Variants in MACROD2 observed in about 807,000 individuals in gnomAD.
MACROD2 encodes mono-ADP ribosylhydrolase 2, also known as ADP-ribose glycohydrolase MACROD2.
In MACROD2, 36 loss-of-function variants were observed where a neutral mutation model predicts 70.4. The observed-to-expected ratio is 0.51, with a 90% CI of 0.39 to 0.68. MACROD2 has a LOEUF of 0.68. Among genes scored for constraint, MACROD2 ranks in the 30% least tolerant of loss-of-function variants. MACROD2 has a pLI of 0.00. For missense variants in MACROD2, 496 were observed against 538.4 expected, an observed-to-expected ratio of 0.92 and a Z score of 0.78; for synonymous variants, 172 against 178.8, an observed-to-expected ratio of 0.96 and a Z score of 0.30.
chr20:15,485,513 A>G (rs948914278), intron 7 of MACROD2, among the ~76,000 whole-genome samples: 9 of 152,188 alleles, frequency 5.9e-5, no homozygotes, highest in Non-Finnish European at 2.9e-5. Flanking sequence ...GATGAGAAAT[A>G]TGCCTTTTCT....
At chr20:14,796,584 C>T (rs1402119915) in intron 5 of MACROD2, among the ~76,000 whole-genome samples, 1 of 152,018 alleles carries the variant, frequency 6.6e-6, no homozygotes, top group Non-Finnish European at 1.5e-5. Context: ...CAGTTATTTT[C>T]GTTTATAAGA....
At chr20:15,793,124 T>TGTGTGTGTGTGCAGGCGC (rs1555780005) in intron 8 of MACROD2, among the ~76,000 whole-genome samples, 2 of 151,834 alleles carry the variant, frequency 1.3e-5, no homozygotes, top group Non-Finnish European at 2.9e-5. Context: ...AAAAAGACTG[T>TGTGTGTGTGTGCAGGCGC]GTGTGTGTGT....
intron 5 of MACROD2, among the ~76,000 whole-genome samples, chr20:14,713,785 A>G (rs559471452): frequency 6.6e-6 from 1 of 152,302 alleles, no homozygotes; most frequent in Non-Finnish European, 1.5e-5. Context: ...TCAATTGACA[A>G]TTTGGCATAG....
At chr20:14,246,700 A>T (rs1339514055) in intron 3 of MACROD2, among the ~76,000 whole-genome samples, 2 of 152,180 alleles carry the variant, frequency 1.3e-5, no homozygotes, top group African/African-American at 4.8e-5. Context: ...ACCAAACAAC[A>T]GGTTTATCAG....
chr20:15,996,642 A>G (rs1480603019), intron 15 of MACROD2, among the ~76,000 whole-genome samples: 1 of 151,974 alleles, frequency 6.6e-6, no homozygotes, highest in Admixed American at 6.5e-5. Context: ...ATTTTCTCCC[A>G]TTTTATATGT....
chr20:14,870,760 T>A (rs1335261566), intron 5 of MACROD2, among the ~76,000 whole-genome samples: 1 of 152,164 alleles, frequency 6.6e-6, no homozygotes, highest in Non-Finnish European at 1.5e-5. Context: ...GAAAAGTGTC[T>A]GTTCATGTCC....
At chr20:14,685,024 A>G (rs574030025) in intron 5 of MACROD2, 65 bp downstream of exon 5, 12 of 1,250,638 alleles carry the variant, frequency 9.6e-6, no homozygotes, top group East Asian at 4.7e-5. Context: ...ACTCCAGTGT[A>G]TAACTGGAAA....
intron 8 of MACROD2, among the ~76,000 whole-genome samples, chr20:15,694,189 T>A (rs192832224): frequency 6.6e-6 from 1 of 152,350 alleles, no homozygotes; most frequent in Non-Finnish European, 1.5e-5. Flanking sequence ...TGTGCAAGTA[T>A]CTTTTTCAAA....
intron 4 of MACROD2, among the ~76,000 whole-genome samples, chr20:14,584,182 C>A (rs1981222656): frequency 6.6e-6 from 1 of 152,166 alleles, no homozygotes; most frequent in Admixed American, 6.5e-5. Flanking sequence ...ACAAGCACCT[C>A]ATTTACCCAG....
intron 2 of MACROD2, among the ~76,000 whole-genome samples, chr20:14,037,926 G>T (rs1469580413): frequency 6.6e-6 from 1 of 152,074 alleles, no homozygotes; most frequent in Non-Finnish European, 1.5e-5. Context: ...GAGGTGGGCG[G>T]ATTGAGGCCA....
chr20:14,614,383 C>T (rs536875972), intron 4 of MACROD2, among the ~76,000 whole-genome samples: 1 of 152,090 alleles, frequency 6.6e-6, no homozygotes, highest in Non-Finnish European at 1.5e-5. Context: ...GGAGTTGGTG[C>T]TCACCTCACC....
intron 5 of MACROD2, among the ~76,000 whole-genome samples, chr20:15,137,823 T>C (rs1175899527): frequency 1.3e-5 from 2 of 152,100 alleles, no homozygotes; most frequent in African/African-American, 4.8e-5. Flanking sequence ...TTCTCCCCCT[T>C]TCCAGAAGGA....
intron 2 of MACROD2, among the ~76,000 whole-genome samples, chr20:14,068,862 A>C (rs1264572728): frequency 6.6e-6 from 1 of 152,218 alleles, no homozygotes; most frequent in Non-Finnish European, 1.5e-5. Flanking sequence ...AGAACTTACA[A>C]GTTAATAGCT....
intron 3 of MACROD2, among the ~76,000 whole-genome samples, chr20:14,175,132 A>C (rs1451685855): frequency 6.6e-6 from 1 of 152,112 alleles, no homozygotes; most frequent in Non-Finnish European, 1.5e-5. Flanking sequence ...CTTGGAGGAA[A>C]AGTTCATAAT....
intron 8 of MACROD2, among the ~76,000 whole-genome samples, chr20:15,691,136 G>A (rs77937095): frequency 0.018 from 2,747 of 152,226 alleles, 89 homozygotes; most frequent in African/African-American, 0.064. Flanking sequence ...TCCTGGATAT[G>A]TCAATCTTCC....
At position 15,505,755 on chromosome 20, in the gene MACROD2, T is replaced by G. The variant is rs1341572513; in HGVS notation, c.645+5908T>G. On this transcript the variant is annotated intron_variant, in intron 8 of 17. Coordinates refer to ENST00000684519, the MANE Select transcript of MACROD2 (RefSeq NM_001351661.2). ...TCACCTGCCTAGACTTGGAAATCAC[T>G]GGCAAGGAAAAACCCCAGCTCTGCA... 2.0e-5 allele frequency among the ~76,000 whole-genome samples: 3 copies of G among 152,280 alleles called. No homozygotes were observed. In the East Asian group the frequency reaches 5.8e-4, roughly 29 times the overall value.
At chr20:15,170,335 G>T (rs1391239617) in intron 5 of MACROD2, among the ~76,000 whole-genome samples, 1 of 152,182 alleles carries the variant, frequency 6.6e-6, no homozygotes, top group Middle Eastern at 3.2e-3. Context: ...TAGAGAAGTA[G>T]AGATTAAAGC....
chr20:15,680,516 A>T (rs1406412604), intron 8 of MACROD2, among the ~76,000 whole-genome samples: 1 of 152,204 alleles, frequency 6.6e-6, no homozygotes, highest in Admixed American at 6.5e-5. Flanking sequence ...AAATAAAGTT[A>T]TCCAATGTTT....
intron 3 of MACROD2, among the ~76,000 whole-genome samples, chr20:14,237,521 TATTA>T (rs1210686385): frequency 9.2e-5 from 14 of 151,596 alleles, no homozygotes; most frequent in South Asian, 2.1e-4. Context: ...TTTATAGTTC[TATTA>T]ATTCTTTATT....
Sources: gnomAD v4.1 joint callset for allele counts (sites outside exome capture counted in the v4.1 genomes callset) on GRCh38, gnomAD v4.1.1 for gene constraint, MANE v1.5 for transcripts, NCBI Gene and HGNC (gene_info 2026-07-23, HGNC 2026-07-21) for gene names.